The following IL1RAPL2 variants were observed in gnomAD, a reference collection of about 807,000 sequenced individuals.
The protein encoded by IL1RAPL2 is X-linked interleukin-1 receptor accessory protein-like 2.
IL1RAPL2 carries 3 observed loss-of-function variants against 44.1 expected under a neutral mutation model. The observed-to-expected ratio is 0.07, with a 90% CI of 0.03 to 0.18. The LOEUF (loss-of-function observed/expected upper bound fraction) is 0.18, where lower values mean the gene tolerates loss of function less well. IL1RAPL2 is among the 10% of genes least tolerant of loss of function. The pLI, the probability that IL1RAPL2 is intolerant of heterozygous loss-of-function variation, is 1.00. For synonymous variants in IL1RAPL2, 181 were observed against 178.8 expected (o/e 1.01, Z -0.10); for missense variants, 391 against 496.4 (o/e 0.79, Z 2.02).
chrX:105,412,242 T>G (rs1250931614), intron 5 of IL1RAPL2, among the ~76,000 whole-genome samples: 1 of 108,717 alleles, frequency 9.2e-6, no homozygotes, highest in Admixed American at 1.0e-4. Context: ...TAGCACTATT[T>G]ACAATAGCCA....
chrX:105,251,063 T>A (rs965629349), intron 4 of IL1RAPL2, among the ~76,000 whole-genome samples: 10 of 111,091 alleles, frequency 9.0e-5, no homozygotes, highest in African/African-American at 2.9e-4. Flanking sequence ...TGTACCCTGT[T>A]TAAGAAAAAT....
At chrX:105,344,005 C>T (rs2035091327) in intron 5 of IL1RAPL2, among the ~76,000 whole-genome samples, 1 of 110,727 alleles carries the variant, frequency 9.0e-6, no homozygotes, top group Non-Finnish European at 1.9e-5. Context: ...AGTGATTCCC[C>T]TGCCTCAGCC....
At chrX:105,271,279 A>G (rs1449570963) in intron 5 of IL1RAPL2, among the ~76,000 whole-genome samples, 4 of 112,070 alleles carry the variant, frequency 3.6e-5, no homozygotes, top group Non-Finnish European at 3.8e-5. Context: ...ATTTCTTTTT[A>G]TTCCTTCAAA....
At chrX:105,208,671 C>A (rs1377943214) in intron 3 of IL1RAPL2, among the ~76,000 whole-genome samples, 2 of 111,772 alleles carry the variant, frequency 1.8e-5, no homozygotes, top group Non-Finnish European at 3.8e-5. Context: ...CGTTTCCAGA[C>A]CAGATCTCAC....
intron 7 of IL1RAPL2, among the ~76,000 whole-genome samples, chrX:105,739,766 G>T (rs1364389021): frequency 2.0e-5 from 2 of 99,286 alleles, no homozygotes; most frequent in African/African-American, 7.4e-5. Context: ...CATTTGGGTT[G>T]GTTCCAAGTC....
intron 2 of IL1RAPL2, among the ~76,000 whole-genome samples, chrX:105,116,648 A>G (rs1054804334): frequency 4.4e-5 from 5 of 112,466 alleles, no homozygotes; most frequent in African/African-American, 1.3e-4. Context: ...CTACATGTAA[A>G]TATTTTAGAG....
intron 2 of IL1RAPL2, among the ~76,000 whole-genome samples, chrX:104,876,371 A>G (rs986074648): frequency 1.8e-5 from 2 of 111,829 alleles, no homozygotes; most frequent in South Asian, 7.5e-4. Flanking sequence ...GACCATGATA[A>G]TTTTGCCCCA....
At chrX:105,744,177 T>C (rs1443285264) in intron 8 of IL1RAPL2, among the ~76,000 whole-genome samples, 1 of 112,148 alleles carries the variant, frequency 8.9e-6, no homozygotes, top group Non-Finnish European at 1.9e-5. Flanking sequence ...TTAGTATTCA[T>C]TTTTGAAACA....
chrX:104,779,200 CAG>C (rs1932757246), intron 2 of IL1RAPL2, among the ~76,000 whole-genome samples: 1 of 112,225 alleles, frequency 8.9e-6, no homozygotes, highest in Non-Finnish European at 1.9e-5. Context: ...TGTTTTTTGA[CAG>C]AATTTGAAGA....
chrX:104,647,387 T>G, intron 1 of IL1RAPL2: 1 of 548,600 alleles, frequency 1.8e-6, no homozygotes, highest in South Asian at 2.3e-5. Context: ...TATTTTCTGC[T>G]GCTCAGCCTT....
rs746261491 is a variant in IL1RAPL2, at chrX:105,173,361, C to T, written c.83-22114C>T. Among the ~76,000 whole-genome samples the T allele has an allele frequency of 2.7e-5, 3 of 111,881 alleles. No homozygotes were observed. The East Asian group carries it at 8.5e-4, about 32-fold the overall frequency. ...GAGCCAGGAGCAATGCGGAAGCCAA[C>T]AGGAAAATGAGGTCTGATATCTAAC... is the stretch of plus-strand genomic sequence containing the variant. On this transcript the variant is annotated intron_variant, in intron 2 of 10. Coordinates refer to ENST00000372582, the MANE Select transcript of IL1RAPL2 (RefSeq NM_017416.2).
rs761911811 is a variant in IL1RAPL2 at position 105,748,983 on chromosome X, G to T, written c.1072G>T (p.Ala358Ser). Reference sequence around the variant, plus strand: ...AGATTTAATCTATAAAATTGAGCTTGCAGGGGGCCTGGGAGCAATCTTCCT... The same window carrying T: ...AGATTTAATCTATAAAATTGAGCTTTCAGGGGGCCTGGGAGCAATCTTCCT... ...KKDLIYKIEL[A>S]GGLGAIFLLL... Residue 358 changes from alanine (A) to serine (S), a missense_variant, in exon 9 of 11, where the codon GCA (alanine) becomes TCA (serine). This residue lies in a region of IL1RAPL2 where 232 missense variants were observed against 244.8 expected (regional missense o/e 0.95). Coordinates refer to ENST00000372582, the MANE Select transcript of IL1RAPL2 (RefSeq NM_017416.2). 1.7e-6 allele frequency: 2 copies of T among 1,209,401 alleles called. No individual in the cohort carries two copies. The highest frequency in any genetic ancestry group is 4.4e-5 in the Admixed American group (2 of 45,956).
chrX:104,718,311 AT>A, intron 2 of IL1RAPL2, among the ~76,000 whole-genome samples: 1 of 111,433 alleles, frequency 9.0e-6, no homozygotes, highest in East Asian at 2.9e-4. Flanking sequence ...CTGGTGTGAG[AT>A]AGTATCTCAT....
At chrX:105,211,783 T>C (rs980160281) in intron 3 of IL1RAPL2, among the ~76,000 whole-genome samples, 1 of 109,802 alleles carries the variant, frequency 9.1e-6, no homozygotes, top group African/African-American at 3.3e-5. Flanking sequence ...GGTCCCCAAT[T>C]CATCTCAACA....
intron 6 of IL1RAPL2, among the ~76,000 whole-genome samples, chrX:105,559,910 A>G: frequency 9.0e-6 from 1 of 111,282 alleles, no homozygotes; most frequent in South Asian, 3.8e-4. Flanking sequence ...GTCTTTCTCT[A>G]TTGCTCTTGT....
chrX:104,979,110 T>C (rs1320067096), intron 2 of IL1RAPL2, among the ~76,000 whole-genome samples: 1 of 111,523 alleles, frequency 9.0e-6, no homozygotes, highest in African/African-American at 3.2e-5. Context: ...TAAGCTCCTG[T>C]AATTAAAGGT....
At chrX:105,621,152 AG>A (rs1325044202) in intron 6 of IL1RAPL2, among the ~76,000 whole-genome samples, 1 of 111,705 alleles carries the variant, frequency 9.0e-6, no homozygotes, top group Non-Finnish European at 1.9e-5. Context: ...TCGGCTCCCA[AG>A]GAAGAGGTTT....
intron 5 of IL1RAPL2, among the ~76,000 whole-genome samples, chrX:105,345,051 T>A (rs912521149): frequency 8.9e-5 from 10 of 111,895 alleles, no homozygotes; most frequent in Middle Eastern, 4.6e-3. Flanking sequence ...CTCTTCCATA[T>A]ACCAAAGATT....
chrX:105,018,241 G>A (rs893064854), intron 2 of IL1RAPL2, among the ~76,000 whole-genome samples: 22 of 111,555 alleles, frequency 2.0e-4, no homozygotes, highest in Non-Finnish European at 3.8e-5. Context: ...GATCTGAACT[G>A]TCTAGCCTCA....
Sources: allele counts gnomAD v4.1 joint callset (sites outside exome capture counted in the v4.1 genomes callset), GRCh38; gene constraint gnomAD v4.1.1; regional missense constraint gnomAD v4.1.1; transcripts MANE v1.5; gene names NCBI Gene and HGNC (gene_info 2026-07-23, HGNC 2026-07-21).